SEM1: variants seen among roughly 807,000 people sequenced by gnomAD.
SEM1 encodes SEM1 26S proteasome subunit, also known as 26S proteasome complex subunit SEM1.
Under a neutral mutation model 12.7 loss-of-function variants are expected in SEM1, and 3 were observed. That is an observed-to-expected ratio of 0.24 (90% CI 0.11 to 0.61). The LOEUF is 0.61. SEM1 is among the 20% of genes least tolerant of loss of function. The pLI is 0.88. For synonymous variants in SEM1, 30 were observed against 27.8 expected (o/e 1.08, Z -0.25); for missense variants, 59 against 81.3 (o/e 0.73, Z 1.06).
intron 2 of SEM1, among the ~76,000 whole-genome samples, chr7:96,637,753 G>A (rs534428276): frequency 6.6e-6 from 1 of 152,024 alleles, no homozygotes; most frequent in East Asian, 1.9e-4. Flanking sequence ...ATGGACAGAT[G>A]GCCTCTGTTT....
At chr7:96,499,336 A>G (rs978621064), upstream of SEM1, among the ~76,000 whole-genome samples, 1 of 152,186 alleles carries the variant, frequency 6.6e-6, no homozygotes, top group Non-Finnish European at 1.5e-5. Flanking sequence ...AGGTCACAGA[A>G]TAAGTCATTA....
intron 2 of SEM1, among the ~76,000 whole-genome samples, chr7:96,560,410 A>G (rs557179628): frequency 6.6e-6 from 1 of 152,176 alleles, no homozygotes; most frequent in African/African-American, 2.4e-5. Context: ...TGCTTTTTTC[A>G]TAAATTTATT....
intron 2 of SEM1, among the ~76,000 whole-genome samples, chr7:96,541,454 T>G (rs1300284820): frequency 6.7e-6 from 1 of 149,520 alleles, no homozygotes; most frequent in East Asian, 2.0e-4. Context: ...TTTTTTTTTT[T>G]TTTTTGCTGA....
downstream of SEM1, among the ~76,000 whole-genome samples, chr7:96,618,067 T>G (rs1234813079): frequency 1.3e-5 from 2 of 152,212 alleles, no homozygotes; most frequent in African/African-American, 4.8e-5. Context: ...AGTTCCCCCC[T>G]CCTCATTTTT....
intron 2 of SEM1, among the ~76,000 whole-genome samples, chr7:96,536,311 CT>C (rs1432823932): frequency 1.3e-5 from 2 of 151,596 alleles, no homozygotes; most frequent in Non-Finnish European, 3.0e-5. Context: ...GATTTCTATA[CT>C]TTTAAGTTCT....
At chr7:96,622,376 C>T (rs1338120083), downstream of SEM1, 2 of 509,300 alleles carry the variant, frequency 3.9e-6, no homozygotes, top group Non-Finnish European at 7.0e-6. Context: ...CTTTGAGACA[C>T]AGAATGATGA....
intron 2 of SEM1, chr7:96,484,868 A>T: frequency 7.8e-7 from 1 of 1,287,156 alleles, no homozygotes; most frequent in Non-Finnish European, 1.0e-6. Flanking sequence ...TAAATATTAG[A>T]TTTCATGATT....
intron 2 of SEM1, among the ~76,000 whole-genome samples, chr7:96,639,906 G>A (rs1056767254): frequency 6.6e-6 from 1 of 151,894 alleles, no homozygotes; most frequent in Non-Finnish European, 1.5e-5. Flanking sequence ...ATGAGCCAAA[G>A]ACCTCAACAG....
intron 2 of SEM1, among the ~76,000 whole-genome samples, chr7:96,691,424 T>A (rs1409090360): frequency 6.6e-6 from 1 of 152,172 alleles, no homozygotes; most frequent in African/African-American, 2.4e-5. Context: ...GTGACAAAAG[T>A]AGGTCACAGA....
intron 2 of SEM1, among the ~76,000 whole-genome samples, chr7:96,681,567 T>A (rs904840854): frequency 6.6e-5 from 10 of 152,130 alleles, no homozygotes; most frequent in Non-Finnish European, 1.5e-4. Context: ...TTGTGTAAGG[T>A]GTAAGGAAGG....
chr7:96,622,568 G>A, exon 3 of SEM1: 2 of 762,750 alleles, frequency 2.6e-6, no homozygotes, highest in South Asian at 1.4e-5. Context: ...CTTATTAGCT[G>A]CATGATCAAT....
intron 2 of SEM1, among the ~76,000 whole-genome samples, chr7:96,541,772 A>T (rs1297244927): frequency 6.6e-6 from 1 of 151,546 alleles, no homozygotes; most frequent in Non-Finnish European, 1.5e-5. Flanking sequence ...ATTTTTTTAT[A>T]TGGTAAAAGG....
chr7:96,695,361 AATTTAT>A (rs1790056786), intron 1 of SEM1: 1 of 152,032 alleles, frequency 6.6e-6, no homozygotes, highest in Non-Finnish European at 1.5e-5. Flanking sequence ...ACTGATACAA[AATTTAT>A]ATTTTTAAAG....
At chr7:96,599,064 G>GGAAGGAA (rs1241507841) in intron 2 of SEM1, among the ~76,000 whole-genome samples, 2 of 151,994 alleles carry the variant, frequency 1.3e-5, no homozygotes, top group Non-Finnish European at 2.9e-5. Flanking sequence ...GAGGGAGGAA[G>GGAAGGAA]GAAGGAAGAA....
At chr7:96,654,766 A>G (rs1459943536) in intron 2 of SEM1, among the ~76,000 whole-genome samples, 1 of 152,152 alleles carries the variant, frequency 6.6e-6, no homozygotes, top group East Asian at 1.9e-4. Flanking sequence ...CCCATTGTAA[A>G]TTGAGATCTG....
chr7:96,565,193 C>G (rs1805808470), intron 2 of SEM1, among the ~76,000 whole-genome samples: 1 of 151,872 alleles, frequency 6.6e-6, no homozygotes, highest in South Asian at 2.1e-4. Context: ...ATCCCCTTTT[C>G]TACTCAAAGA....
chr7:96,659,087 G>C (rs1809281235), intron 2 of SEM1, among the ~76,000 whole-genome samples: 1 of 152,000 alleles, frequency 6.6e-6, no homozygotes, highest in Non-Finnish European at 1.5e-5. Flanking sequence ...CAGAAGTATG[G>C]GGAAAGCCAG....
At chr7:96,683,771 A>C (rs1277695229), downstream of SEM1, among the ~76,000 whole-genome samples, 1 of 152,186 alleles carries the variant, frequency 6.6e-6, no homozygotes. Flanking sequence ...TCAGCAAACT[A>C]ACACAAGAAC....
intron 2 of SEM1, among the ~76,000 whole-genome samples, chr7:96,659,465 C>T (rs1233022018): frequency 6.6e-6 from 1 of 152,104 alleles, no homozygotes; most frequent in Non-Finnish European, 1.5e-5. Context: ...AAGATCTTTA[C>T]TAAATGCACT....
Sources: gnomAD v4.1 joint callset for allele counts (sites outside exome capture counted in the v4.1 genomes callset) on GRCh38, gnomAD v4.1.1 for gene constraint, MANE v1.5 for transcripts, NCBI Gene and HGNC (gene_info 2026-07-23, HGNC 2026-07-21) for gene names.